The following ADAM22 variants were observed in gnomAD, a reference collection of about 807,000 sequenced individuals.
The protein encoded by ADAM22 is ADAM metallopeptidase domain 22, also known as disintegrin and metalloproteinase domain-containing protein 22.
In ADAM22, 65 loss-of-function variants were observed where a neutral mutation model predicts 144.6. The observed-to-expected ratio is 0.45, with a 90% CI of 0.37 to 0.55. The LOEUF is 0.55. Among genes scored for constraint, ADAM22 ranks in the 20% least tolerant of loss-of-function variants. ADAM22 has a pLI of 0.00. For synonymous variants in ADAM22, 391 were observed against 412.6 expected, an observed-to-expected ratio of 0.95 and a Z score of 0.63; for missense variants, 974 against 1,184.9, an observed-to-expected ratio of 0.82 and a Z score of 2.61.
chr7:88,049,284 A>G lies in ADAM22; in HGVS notation c.324-26342A>G, dbSNP rs142884044. ...TATTTCTTATCTCAAATTGAAGTCC[A>G]TGTAGGGTAAATAACTTGTCCAGAG... is the stretch of plus-strand genomic sequence containing the variant. On this transcript the variant is annotated intron_variant, in intron 3 of 31. Coordinates refer to ENST00000413139, the MANE Select transcript of ADAM22 (RefSeq NM_001324418.2). 1.3e-3 allele frequency among the ~76,000 whole-genome samples: 204 copies of G among 152,346 alleles called. 1 individual carries two copies. The highest frequency in any genetic ancestry group is 4.8e-3 in the African/African-American group (198 of 41,582).
chr7:88,136,583 T>A (rs953543022), intron 14 of ADAM22, among the ~76,000 whole-genome samples: 1 of 152,140 alleles, frequency 6.6e-6, no homozygotes, highest in Non-Finnish European at 1.5e-5. Context: ...CATCAATGCT[T>A]GTCTTTTATT....
At chr7:87,946,763 T>C (rs1843776451) in intron 2 of ADAM22, among the ~76,000 whole-genome samples, 1 of 152,236 alleles carries the variant, frequency 6.6e-6, no homozygotes, top group Admixed American at 6.5e-5. Context: ...GCACTCATGT[T>C]CATTGCACTA....
chr7:87,997,181 A>C (rs1791438094), intron 3 of ADAM22, among the ~76,000 whole-genome samples: 1 of 152,222 alleles, frequency 6.6e-6, no homozygotes, highest in Non-Finnish European at 1.5e-5. Flanking sequence ...ATTCATGTTT[A>C]TTAACTTGGT....
At chr7:87,969,060 G>A (rs908897000) in intron 2 of ADAM22, among the ~76,000 whole-genome samples, 1 of 152,154 alleles carries the variant, frequency 6.6e-6, no homozygotes, top group African/African-American at 2.4e-5. Context: ...TAGTCACTGT[G>A]CACCAGGCCT....
At chr7:88,092,050 G>A (rs1260408620) in intron 4 of ADAM22, among the ~76,000 whole-genome samples, 1 of 151,846 alleles carries the variant, frequency 6.6e-6, no homozygotes, top group Non-Finnish European at 1.5e-5. Flanking sequence ...TCAGCACAGG[G>A]GAGCACCATC....
intron 4 of ADAM22, among the ~76,000 whole-genome samples, chr7:88,106,077 T>C (rs751616648): frequency 2.0e-5 from 3 of 151,790 alleles, no homozygotes; most frequent in African/African-American, 7.3e-5. Flanking sequence ...ATAGCTCACA[T>C]TGTTAACATC....
At chr7:88,113,699 A>ATAT (rs1554478638) in intron 5 of ADAM22, among the ~76,000 whole-genome samples, 289 of 39,352 alleles carry the variant, frequency 7.3e-3, no homozygotes, top group African/African-American at 0.012. Flanking sequence ...TAAATAAATA[A>ATAT]ATAAATATAT....
At chr7:88,083,170 G>A (rs1162127619) in intron 4 of ADAM22, among the ~76,000 whole-genome samples, 4 of 152,140 alleles carry the variant, frequency 2.6e-5, no homozygotes, top group African/African-American at 9.7e-5. Context: ...AAAAAATGAT[G>A]AGCTCATGTC....
chr7:88,070,778 T>C lies in ADAM22; in HGVS notation c.324-4848T>C, dbSNP rs973250073. On this transcript the variant is annotated intron_variant, in intron 3 of 31. Transcript: ENST00000413139. Reference sequence around the variant, plus strand: ...TTGAGATGCCTATTTGACATCCTAGTAGAGACTGGTTCAGAAACAGGGGTG... The same window carrying C: ...TTGAGATGCCTATTTGACATCCTAGCAGAGACTGGTTCAGAAACAGGGGTG... Among the ~76,000 whole-genome samples the C allele has an allele frequency of 2.0e-5, 3 of 152,264 alleles. No individual in the cohort carries two copies. The South Asian group carries it at 6.2e-4, about 32-fold the overall frequency.
intron 3 of ADAM22, among the ~76,000 whole-genome samples, chr7:88,003,833 C>T (rs549877603): frequency 1.3e-5 from 2 of 152,296 alleles, no homozygotes; most frequent in African/African-American, 4.8e-5. Flanking sequence ...ATATCTGCCT[C>T]TTGGACTCAT....
intron 2 of ADAM22, among the ~76,000 whole-genome samples, chr7:87,944,718 G>C (rs1843151481): frequency 6.6e-6 from 1 of 152,064 alleles, no homozygotes; most frequent in Non-Finnish European, 1.5e-5. Flanking sequence ...TATCCTTCTG[G>C]CTCAACTAGA....
At chr7:88,176,872 C>A (rs1845802063) in intron 26 of ADAM22, among the ~76,000 whole-genome samples, 1 of 152,188 alleles carries the variant, frequency 6.6e-6, no homozygotes, top group African/African-American at 2.4e-5. Flanking sequence ...TCAAGCACTT[C>A]TTGTGCCTCA....
At chr7:88,079,682 G>T (rs1296464864) in intron 4 of ADAM22, among the ~76,000 whole-genome samples, 1 of 152,114 alleles carries the variant, frequency 6.6e-6, no homozygotes, top group Non-Finnish European at 1.5e-5. Context: ...ACAAAAAATG[G>T]CAGGGGTTGC....
intron 31 of ADAM22, among the ~76,000 whole-genome samples, chr7:88,194,561 G>C (rs549232039): frequency 2.0e-5 from 3 of 152,274 alleles, no homozygotes; most frequent in Non-Finnish European, 1.5e-5. Context: ...GTGGGCCAAG[G>C]CATGCCTAGT....
At chr7:88,151,184 C>T (rs1838248127) in intron 19 of ADAM22, 73 bp from the exon 20 acceptor site, 19 of 1,582,612 alleles carry the variant, frequency 1.2e-5, no homozygotes, top group Non-Finnish European at 1.5e-5. Flanking sequence ...TTTTCCCAAT[C>T]ATAGTTTCTT....
In ADAM22 at chr7:88,075,662, T is replaced by C. The variant is rs1814211811; in HGVS notation, c.360T>C (p.Ile120=). The C allele has an allele frequency of 6.2e-7, 1 of 1,613,764 alleles. No individual in the cohort carries two copies. The highest frequency in any genetic ancestry group is 1.3e-5 in the African/African-American group (1 of 74,908). Residue 120 remains isoleucine, a synonymous_variant, in exon 4 of 32, where the codon ATT becomes ATC. Transcript: ENST00000413139. ...LLSSEYIERH[I]EHGGKTVEVK... is the part of the protein sequence containing the mutation. ...CCTCTGAATACATAGAGAGACACAT[T>C]GAACATGGAGGCAAGACTGTGGAAG...
intron 2 of ADAM22, among the ~76,000 whole-genome samples, chr7:87,944,328 C>G (rs775908669): frequency 5.3e-5 from 8 of 151,920 alleles, no homozygotes; most frequent in Admixed American, 6.5e-5. Flanking sequence ...AAGCTTTTTT[C>G]TCTGTGTGGT....
chr7:88,190,735 T>C (rs1045266263), intron 30 of ADAM22, among the ~76,000 whole-genome samples: 3 of 152,128 alleles, frequency 2.0e-5, no homozygotes, highest in Admixed American at 2.0e-4. Context: ...TAGACATTTG[T>C]GAGAAATTTT....
chr7:88,047,646 A>G (rs566134133), intron 3 of ADAM22, among the ~76,000 whole-genome samples: 5 of 152,290 alleles, frequency 3.3e-5, no homozygotes, highest in African/African-American at 9.6e-5. Context: ...CATGAACTGT[A>G]TGTATTCTGA....
Sources: allele counts gnomAD v4.1 joint callset (sites outside exome capture counted in the v4.1 genomes callset), GRCh38; gene constraint gnomAD v4.1.1; transcripts MANE v1.5; gene names NCBI Gene and HGNC (gene_info 2026-07-23, HGNC 2026-07-21).